IQSEC1: variants seen among roughly 807,000 people sequenced by gnomAD.
The protein encoded by IQSEC1 is IQ motif and SEC7 domain-containing protein 1.
Under a neutral mutation model 91.0 loss-of-function variants are expected in IQSEC1, and 31 were observed. The ratio of observed to expected loss-of-function variants is 0.34; its 90% CI spans 0.26 to 0.46. IQSEC1 has a LOEUF of 0.46. Among genes scored for constraint, IQSEC1 ranks in the 20% least tolerant of loss-of-function variants. The pLI is 1.00. For missense variants in IQSEC1, 1,388 were observed against 1,575.6 expected (o/e 0.88, Z 2.02); for synonymous variants, 699 against 662.6 (o/e 1.05, Z -0.84).
intron 2 of IQSEC1, among the ~76,000 whole-genome samples, chr3:13,109,871 C>G (rs1706212396): frequency 6.8e-6 from 1 of 147,382 alleles, no homozygotes; most frequent in Non-Finnish European, 1.5e-5. Context: ...CAGGCTGTTA[C>G]AAGGGATAAA....
intron 2 of IQSEC1, among the ~76,000 whole-genome samples, chr3:13,115,844 C>T (rs2124878216): frequency 6.6e-6 from 1 of 152,344 alleles, no homozygotes; most frequent in East Asian, 1.9e-4. Flanking sequence ...TCTCCTTTGG[C>T]CCTGAGCCCC....
chr3:12,985,307 AG>A (rs1576114438), intron 1 of IQSEC1, among the ~76,000 whole-genome samples: 2 of 152,242 alleles, frequency 1.3e-5, no homozygotes, highest in South Asian at 2.1e-4. Context: ...AGGAGCCCAG[AG>A]AGGGCCAGGG....
chr3:13,264,987 G>A (rs1174262992), intron 1 of IQSEC1, among the ~76,000 whole-genome samples: 1 of 151,986 alleles, frequency 6.6e-6, no homozygotes, highest in Non-Finnish European at 1.5e-5. Flanking sequence ...TCAGCAGCAT[G>A]GCTGAGGGCA....
At chr3:13,136,448 G>T (rs956496606) in intron 2 of IQSEC1, among the ~76,000 whole-genome samples, 16 of 152,198 alleles carry the variant, frequency 1.1e-4, no homozygotes, top group Non-Finnish European at 1.8e-4. Context: ...TGACTACAGT[G>T]AAATGAGCAT....
At chr3:12,982,459 T>C (rs568232737) in intron 1 of IQSEC1, among the ~76,000 whole-genome samples, 2 of 152,226 alleles carry the variant, frequency 1.3e-5, no homozygotes, top group Non-Finnish European at 2.9e-5. Context: ...TGTGCAAGAA[T>C]GATGGTGATA....
intron 5 of IQSEC1, among the ~76,000 whole-genome samples, chr3:12,921,390 G>A (rs985948482): frequency 7.2e-5 from 11 of 152,230 alleles, no homozygotes; most frequent in African/African-American, 2.7e-4. Flanking sequence ...GGAGCCCAGA[G>A]GGCTGGGTCA....
intron 1 of IQSEC1, among the ~76,000 whole-genome samples, chr3:12,948,813 G>GT (rs2125405872): frequency 6.6e-6 from 1 of 152,324 alleles, no homozygotes; most frequent in East Asian, 1.9e-4. Context: ...GCACGGAAAG[G>GT]TGGCACCCAT....
intron 1 of IQSEC1, among the ~76,000 whole-genome samples, chr3:13,255,100 T>C (rs1695263403): frequency 6.6e-6 from 1 of 152,226 alleles, no homozygotes; most frequent in Non-Finnish European, 1.5e-5. Flanking sequence ...CAAAACTAAT[T>C]TTCTGGTACC....
At chr3:12,956,880 C>T (rs761017273) in intron 1 of IQSEC1, among the ~76,000 whole-genome samples, 2 of 152,236 alleles carry the variant, frequency 1.3e-5, no homozygotes, top group Non-Finnish European at 2.9e-5. Context: ...CAACGGGTGT[C>T]ACTCCTGCTC....
intron 1 of IQSEC1, among the ~76,000 whole-genome samples, chr3:12,957,452 C>T (rs1162697697): frequency 6.6e-6 from 1 of 152,204 alleles, no homozygotes; most frequent in Non-Finnish European, 1.5e-5. Context: ...AAAATCTTCC[C>T]GGCTGAGCCA....
At chr3:13,213,615 T>A (rs534190823) in intron 1 of IQSEC1, among the ~76,000 whole-genome samples, 1 of 152,180 alleles carries the variant, frequency 6.6e-6, no homozygotes, top group Non-Finnish European at 1.5e-5. Flanking sequence ...TTGAGCCATG[T>A]TTTTAGTCAT....
chr3:12,913,500 A>C lies in IQSEC1; in HGVS notation c.2244T>G (p.Val748=). 1 of 1,608,632 alleles carries C rather than the reference A, an allele frequency of 6.2e-7. No individual in the cohort carries two copies. The highest frequency in any genetic ancestry group is 1.3e-5 in the African/African-American group (1 of 74,882). ...GTTTCTGGGGCTTGTTTGGGTCTGG[A>C]ACCTCAAAGAGCCGGCAGTAGCAGA... ...RLVCYCRLFE[V]PDPNKPQKLG... is the part of the protein sequence containing the mutation. The change falls in exon 9 of 14, where the codon GTT becomes GTG. Residue 748 remains valine, a synonymous_variant. Transcript: ENST00000613206.
rs374930158 is a variant in IQSEC1 at position 12,927,024 on chromosome 3, G to A, written c.1569-2282C>T. Reference sequence around the variant, plus strand: ...ATCACATGCCTCGCTATGATTCGGGGGTCTCCAAACAAGAACTGCTCCAAT... The same window carrying A: ...ATCACATGCCTCGCTATGATTCGGGAGTCTCCAAACAAGAACTGCTCCAAT... On this transcript the variant is annotated intron_variant, in intron 3 of 13. Coordinates refer to ENST00000613206, the MANE Select transcript of IQSEC1 (RefSeq NM_001134382.3). Among the ~76,000 whole-genome samples the A allele has an allele frequency of 2.0e-5, 3 of 152,076 alleles. No homozygotes were observed. The South Asian group carries it at 6.2e-4, about 32-fold the overall frequency.
chr3:13,140,219 G>A (rs1706778034), intron 2 of IQSEC1, among the ~76,000 whole-genome samples: 1 of 152,112 alleles, frequency 6.6e-6, no homozygotes, highest in Non-Finnish European at 1.5e-5. Flanking sequence ...AACACACAGT[G>A]GGTTCAGATT....
chr3:12,901,358 T>TGGGCG lies in IQSEC1; in HGVS notation c.2969_2970insCGCCC (p.Leu992GlnfsTer130). 1 of 1,457,038 alleles carries TGGGCG rather than the reference T, an allele frequency of 6.9e-7. No individual in the cohort carries two copies. The highest frequency in any genetic ancestry group is 9.2e-7 in the Non-Finnish European group (1 of 1,092,216). The allele number at this position is 1,457,038 out of a possible 1,614,324, so 90.3% of individuals were successfully genotyped here. On this transcript the variant is annotated frameshift_variant, in exon 14 of 14. Coordinates refer to ENST00000613206, the MANE Select transcript of IQSEC1 (RefSeq NM_001134382.3). LOFTEE classifies it low-confidence loss of function (END_TRUNC). ...CCGGTGGGTGGGGGGGTGGCAGGGCTGGGGCTGAGGGCAGGTGGGCCTGGG... is the reference window on the plus strand; with the variant it reads ...CCGGTGGGTGGGGGGGTGGCAGGGCTGGGCGGGGGCTGAGGGCAGGTGGGCCTGGG...
At chr3:13,234,975 A>T (rs1381190268) in intron 1 of IQSEC1, among the ~76,000 whole-genome samples, 1 of 152,082 alleles carries the variant, frequency 6.6e-6, no homozygotes, top group African/African-American at 2.4e-5. Flanking sequence ...CTGGGAAGAG[A>T]TGGGTGCAGG....
intron 1 of IQSEC1, among the ~76,000 whole-genome samples, chr3:13,018,579 G>C (rs960175056): frequency 2.6e-5 from 4 of 152,364 alleles, no homozygotes; most frequent in African/African-American, 9.6e-5. Flanking sequence ...CCTGTACCCA[G>C]AGCAAGGCCT....
intron 2 of IQSEC1, among the ~76,000 whole-genome samples, chr3:13,097,804 G>C (rs569589039): frequency 6.6e-6 from 1 of 152,322 alleles, no homozygotes; most frequent in South Asian, 2.1e-4. Context: ...TTAATAACGT[G>C]CAGACCCAAC....
chr3:12,918,277 A>G (rs1482303300), intron 6 of IQSEC1, among the ~76,000 whole-genome samples: 1 of 152,230 alleles, frequency 6.6e-6, no homozygotes, highest in African/African-American at 2.4e-5. Context: ...AATGGGGTGC[A>G]CAGCCCCTTC....
Sources: gnomAD v4.1 joint callset for allele counts (sites outside exome capture counted in the v4.1 genomes callset) on GRCh38, gnomAD v4.1.1 for gene constraint, MANE v1.5 for transcripts, NCBI Gene and HGNC (gene_info 2026-07-23, HGNC 2026-07-21) for gene names.